NT5DC1: variants seen among roughly 807,000 people sequenced by gnomAD.
NT5DC1 encodes the protein 5'-nucleotidase domain-containing protein 1.
In NT5DC1, 42 loss-of-function variants were observed where a neutral mutation model predicts 59.4. The ratio of observed to expected loss-of-function variants is 0.71; its 90% CI spans 0.55 to 0.92. NT5DC1 has a LOEUF of 0.92. Among genes scored for constraint, NT5DC1 ranks in the 40% least tolerant of loss-of-function variants. The pLI is 0.00. For synonymous variants in NT5DC1, 172 were observed against 188.1 expected (o/e 0.91, Z 0.70); for missense variants, 501 against 537.1 (o/e 0.93, Z 0.66).
chr6:116,173,167 G>A (rs1410995344), intron 6 of NT5DC1, among the ~76,000 whole-genome samples: 3 of 152,128 alleles, frequency 2.0e-5, no homozygotes, highest in East Asian at 1.9e-4. Context: ...CATTGTATGT[G>A]TCTAAACCAC....
intron 6 of NT5DC1, among the ~76,000 whole-genome samples, chr6:116,151,788 TA>T (rs1216382082): frequency 6.6e-6 from 1 of 152,200 alleles, no homozygotes; most frequent in African/African-American, 2.4e-5. Flanking sequence ...AAACTTTTTT[TA>T]AAAAAGCAGC....
chr6:116,158,269 A>T lies in NT5DC1; in HGVS notation c.529+40324A>T, dbSNP rs1025255119. 1.1e-4 allele frequency among the ~76,000 whole-genome samples: 16 copies of T among 152,032 alleles called. 1 individual carries two copies. The highest frequency in any genetic ancestry group is 3.9e-4 in the African/African-American group (16 of 41,390). On this transcript the variant is annotated intron_variant, in intron 6 of 11. Coordinates refer to ENST00000319550, the MANE Select transcript of NT5DC1 (RefSeq NM_152729.3). ...TAGTGTGCTACCTCGATGAAGATAC[A>T]TGGCATTTCAAACAATAGCTTTCTT...
chr6:116,223,437 C>A (rs1781849211), intron 8 of NT5DC1, among the ~76,000 whole-genome samples: 1 of 152,134 alleles, frequency 6.6e-6, no homozygotes, highest in Non-Finnish European at 1.5e-5. Flanking sequence ...AAGTTATCTT[C>A]TAGAACAAAA....
chr6:116,177,376 C>G (rs1780759132), intron 6 of NT5DC1, among the ~76,000 whole-genome samples: 1 of 152,036 alleles, frequency 6.6e-6, no homozygotes, highest in Admixed American at 6.6e-5. Flanking sequence ...AAAATCTAGA[C>G]TTTATTATTT....
chr6:116,245,003 A>G lies in NT5DC1; in HGVS notation c.*979A>G, dbSNP rs570855780. On this transcript the variant is annotated 3_prime_UTR_variant, in exon 12 of 12. Coordinates refer to ENST00000319550, the MANE Select transcript of NT5DC1 (RefSeq NM_152729.3). ...AAATCTTATTCCTTAGTATTAATTT[A>G]TCTCATTGGGAAGAAATTTGTAGTT... 2.4e-4 allele frequency: 36 copies of G among 151,768 alleles called. No homozygotes were observed. Among genetic ancestry groups the G allele is most frequent in the African/African-American group, 7.0e-4 (29 of 41,548 alleles). 9.4% of individuals were successfully genotyped at this position (151,768 alleles called of 1,614,324 possible). A position where few individuals can be genotyped will look rare whatever the true frequency, so the allele number is the denominator to read the frequency against.
intron 6 of NT5DC1, among the ~76,000 whole-genome samples, chr6:116,180,433 A>G (rs1212547222): frequency 6.6e-6 from 1 of 152,080 alleles, no homozygotes; most frequent in Non-Finnish European, 1.5e-5. Flanking sequence ...ATAATCCCTA[A>G]TGAAATAATG....
In NT5DC1 at chr6:116,221,240, G is replaced by A. The variant is rs761207254; in HGVS notation, c.704+12G>A. The A allele has an allele frequency of 1.7e-5, 25 of 1,512,154 alleles. No homozygotes were observed. Among genetic ancestry groups the A allele is most frequent in the East Asian group, 2.3e-5 (1 of 44,206 alleles). The allele number at this position is 1,512,154 out of a possible 1,614,324, so 93.7% of individuals were successfully genotyped here. On this transcript the variant is annotated intron_variant, in intron 7 of 11. Transcript: ENST00000319550. Reference sequence around the variant, plus strand: ...GAATATATTCTTGGGTGAGTGATGAGTCATTCAGTTTTCATTGTCTTATGA... The same window carrying A: ...GAATATATTCTTGGGTGAGTGATGAATCATTCAGTTTTCATTGTCTTATGA...
chr6:116,117,920 C>T lies in NT5DC1; in HGVS notation c.504C>T (p.His168=). The T allele has an allele frequency of 6.4e-7, 1 of 1,571,932 alleles. No individual in the cohort carries two copies. The highest frequency in any genetic ancestry group is 8.8e-7 in the Non-Finnish European group (1 of 1,141,664). ...AGGATATAGTTGCTGCTATACAACACAATTATAAAATGTCAGCTTTTAAGG... is the reference window on the plus strand; with the variant it reads ...AGGATATAGTTGCTGCTATACAACATAATTATAAAATGTCAGCTTTTAAGG... ...FWKDIVAAIQ[H]NYKMSAFKEN... The change falls in exon 6 of 12, where the codon CAC becomes CAT. Residue 168 remains histidine (H), a synonymous_variant. Transcript: ENST00000319550.
Position 116,148,583 on chromosome 6 carries a change from A to G in NT5DC1, c.529+30638A>G, listed in dbSNP as rs190100882. 6.8e-4 allele frequency among the ~76,000 whole-genome samples: 103 copies of G among 152,326 alleles called. No individual in the cohort carries two copies. In the East Asian group the frequency reaches 0.017, roughly 25 times the overall value. On this transcript the variant is annotated intron_variant, in intron 6 of 11. Coordinates refer to ENST00000319550, the MANE Select transcript of NT5DC1 (RefSeq NM_152729.3). The stretch of plus-strand genomic sequence containing the variant: ...CATGTTAATTAATAGAAGTATTACT[A>G]TGATAACAGTTTATTATATGTATTT...
At chr6:116,112,154 C>T (rs985086519) in intron 4 of NT5DC1, among the ~76,000 whole-genome samples, 1 of 152,188 alleles carries the variant, frequency 6.6e-6, no homozygotes, top group African/African-American at 2.4e-5. Context: ...CTGGCACTTA[C>T]TTGGTCAGGA....
At chr6:116,154,250 A>T (rs1308224779) in intron 6 of NT5DC1, among the ~76,000 whole-genome samples, 1 of 152,174 alleles carries the variant, frequency 6.6e-6, no homozygotes, top group Non-Finnish European at 1.5e-5. Context: ...TGATAAATAT[A>T]TTCAATATTT....
intron 6 of NT5DC1, among the ~76,000 whole-genome samples, chr6:116,155,429 G>A (rs557671372): frequency 9.9e-5 from 15 of 152,082 alleles, no homozygotes; most frequent in African/African-American, 3.6e-4. Flanking sequence ...CACTTTCTGG[G>A]TGCTCTAGAG....
At chr6:116,235,273 TAAAC>T (rs1404949994) in intron 8 of NT5DC1, among the ~76,000 whole-genome samples, 1 of 152,174 alleles carries the variant, frequency 6.6e-6, no homozygotes, top group East Asian at 1.9e-4. Context: ...TTTCAGTAAA[TAAAC>T]AGACATGAGA....
rs778474550 is a variant in NT5DC1, at chr6:116,121,798, C to T, written c.529+3853C>T. ...CTGGGAGTCCTGGCACACCTGGTTT[C>T]CCTACAGCTGATGGTCCCGGTGGTC... On this transcript the variant is annotated intron_variant, in intron 6 of 11. Coordinates refer to ENST00000319550, the MANE Select transcript of NT5DC1 (RefSeq NM_152729.3). The T allele has an allele frequency of 1.2e-6, 2 of 1,613,738 alleles. No homozygotes were observed. The highest frequency in any genetic ancestry group is 3.3e-5 in the Admixed American group (2 of 59,994).
chr6:116,116,066 AAAAT>A (rs1469654369), intron 5 of NT5DC1, among the ~76,000 whole-genome samples: 9 of 152,192 alleles, frequency 5.9e-5, no homozygotes, highest in Admixed American at 4.6e-4. Flanking sequence ...TTTTTTTAGC[AAAAT>A]AAATAGTTTC....
At chr6:116,137,113 A>G in intron 6 of NT5DC1, 1 of 216,046 alleles carries the variant, frequency 4.6e-6, no homozygotes, top group Non-Finnish European at 1.0e-5. Context: ...TTGATGAAAT[A>G]CCACAAATCG....
chr6:116,235,355 C>T (rs532584361), intron 8 of NT5DC1, among the ~76,000 whole-genome samples: 85 of 152,220 alleles, frequency 5.6e-4, no homozygotes, highest in African/African-American at 1.6e-3. Context: ...TAATGTTAGG[C>T]TAGTACATGA....
intron 6 of NT5DC1, among the ~76,000 whole-genome samples, chr6:116,139,830 T>C (rs901239832): frequency 6.6e-6 from 1 of 152,216 alleles, no homozygotes; most frequent in Non-Finnish European, 1.5e-5. Context: ...ATAAAAGTTG[T>C]GTCTTTGAGA....
chr6:116,217,823 C>T (rs1781715883), intron 6 of NT5DC1, among the ~76,000 whole-genome samples: 1 of 152,068 alleles, frequency 6.6e-6, no homozygotes, highest in Admixed American at 6.5e-5. Context: ...ATTTAATAGA[C>T]AATTATAATC....
Sources: allele counts gnomAD v4.1 joint callset (sites outside exome capture counted in the v4.1 genomes callset), GRCh38; gene constraint gnomAD v4.1.1; transcripts MANE v1.5; gene names NCBI Gene and HGNC (gene_info 2026-07-23, HGNC 2026-07-21).